NAALADL2: variants seen among roughly 807,000 people sequenced by gnomAD.
The protein encoded by NAALADL2 is inactive N-acetylated-alpha-linked acidic dipeptidase-like protein 2.
Under a neutral mutation model 87.2 loss-of-function variants are expected in NAALADL2, and 76 were observed. That is an observed-to-expected ratio of 0.87 (90% CI 0.72 to 1.05). NAALADL2 has a LOEUF of 1.05. Ranked by LOEUF, NAALADL2 falls within the 50% of genes least tolerant of loss-of-function variation. The pLI, the probability that NAALADL2 is intolerant of heterozygous loss-of-function variation, is 0.00. For synonymous variants in NAALADL2, 354 were observed against 331.0 expected (o/e 1.07, Z -0.75); for missense variants, 1,089 against 945.8 (o/e 1.15, Z -1.99).
rs1735529051 is a variant in NAALADL2 at position 175,681,069 on chromosome 3, T to C, written c.1896+53683T>C. Among the ~76,000 whole-genome samples the C allele has an allele frequency of 2.0e-5, 3 of 152,154 alleles. 1 individual carries two copies. The South Asian group carries it at 6.2e-4, about 32-fold the overall frequency. On this transcript the variant is annotated intron_variant, in intron 11 of 13. Transcript: ENST00000454872. ...TGGAGGTTGCCGTGAGCCGAGATCG[T>C]GCCACTGCACTTCAGCCTGGCGACA...
intron 2 of NAALADL2, among the ~76,000 whole-genome samples, chr3:175,182,866 G>A (rs1736798923): frequency 6.6e-6 from 1 of 151,716 alleles, no homozygotes; most frequent in African/African-American, 2.4e-5. Flanking sequence ...TTTTACAATT[G>A]CAAGGATCAT....
chr3:175,630,661 G>T (rs1013509303), intron 11 of NAALADL2, among the ~76,000 whole-genome samples: 1 of 151,672 alleles, frequency 6.6e-6, no homozygotes, highest in African/African-American at 2.4e-5. Flanking sequence ...TTTGTGAAGA[G>T]TTGAGGCCTT....
At chr3:174,727,821 G>A (rs1263145445) in intron 2 of NAALADL2, among the ~76,000 whole-genome samples, 1 of 152,086 alleles carries the variant, frequency 6.6e-6, no homozygotes, top group Non-Finnish European at 1.5e-5. Flanking sequence ...TCGACCATTA[G>A]AGTATCATAT....
chr3:174,916,966 A>G (rs1201677088), intron 1 of NAALADL2, among the ~76,000 whole-genome samples: 4 of 152,120 alleles, frequency 2.6e-5, no homozygotes, highest in Non-Finnish European at 4.4e-5. Context: ...GATTTCATAC[A>G]TTATGTTTTT....
At chr3:174,810,597 CAAA>C (rs71624292) in intron 3 of NAALADL2, among the ~76,000 whole-genome samples, 2 of 110,108 alleles carry the variant, frequency 1.8e-5, no homozygotes, top group Non-Finnish European at 3.9e-5. Context: ...TATATGTAAG[CAAA>C]AAAAAAAAAA....
rs377657792 is a variant in NAALADL2 at position 175,234,072 on chromosome 3, C to T, written c.687C>T (p.Ser229=). The change falls in exon 3 of 14, where the codon AGC becomes AGT. Residue 229 remains serine (S), a synonymous_variant. Transcript: ENST00000454872. ...TTGATCTGCCAGGCCCTTCTCCCAGCACTGTGACTCTGAGCAGCAGTGGTC... is the reference window on the plus strand; with the variant it reads ...TTGATCTGCCAGGCCCTTCTCCCAGTACTGTGACTCTGAGCAGCAGTGGTC... ...VLLDLPGPSP[S]TVTLSSSGQC... 18 of 1,613,808 alleles carry T rather than the reference C, an allele frequency of 1.1e-5. No homozygotes were observed. Among genetic ancestry groups the T allele is most frequent in the Admixed American group, 3.3e-5 (2 of 59,986 alleles).
chr3:174,478,063 A>G (rs1156977364), intron 1 of NAALADL2, among the ~76,000 whole-genome samples: 1 of 152,192 alleles, frequency 6.6e-6, no homozygotes, highest in Non-Finnish European at 1.5e-5. Flanking sequence ...TTAAGGTAAC[A>G]TATGGCTTAT....
At chr3:175,661,680 C>A (rs78605306) in intron 11 of NAALADL2, among the ~76,000 whole-genome samples, 6,255 of 151,976 alleles carry the variant, frequency 0.041, 437 homozygotes, top group African/African-American at 0.14. Context: ...TATATGGTGA[C>A]AGAGGAGTCT....
chr3:175,499,138 T>C (rs1729203269), intron 9 of NAALADL2, among the ~76,000 whole-genome samples: 1 of 152,118 alleles, frequency 6.6e-6, no homozygotes, highest in South Asian at 2.1e-4. Context: ...TGACTCATTA[T>C]TGGAAAACCC....
At chr3:175,638,682 A>G (rs572557699) in intron 11 of NAALADL2, among the ~76,000 whole-genome samples, 1 of 152,324 alleles carries the variant, frequency 6.6e-6, no homozygotes, top group East Asian at 1.9e-4. Context: ...TATTATGATT[A>G]AATTCCAAAT....
At chr3:174,735,856 T>A (rs1475896551) in intron 2 of NAALADL2, among the ~76,000 whole-genome samples, 1 of 152,224 alleles carries the variant, frequency 6.6e-6, no homozygotes, top group Non-Finnish European at 1.5e-5. Context: ...ACTGGGCTCG[T>A]TCTGCCCACT....
intron 3 of NAALADL2, among the ~76,000 whole-genome samples, chr3:174,772,243 G>A (rs1311681169): frequency 6.6e-6 from 1 of 152,062 alleles, no homozygotes; most frequent in East Asian, 1.9e-4. Flanking sequence ...CTACCTAAAT[G>A]ACTTAGAAAA....
chr3:175,781,345 A>G (rs79401770), intron 13 of NAALADL2, among the ~76,000 whole-genome samples: 1,550 of 152,294 alleles, frequency 0.01, 22 homozygotes, highest in African/African-American at 0.035. Flanking sequence ...TGGTCTCATA[A>G]GATTATAATG....
At chr3:175,727,440 G>T (rs1273453367) in intron 11 of NAALADL2, among the ~76,000 whole-genome samples, 1 of 152,130 alleles carries the variant, frequency 6.6e-6, no homozygotes, top group African/African-American at 2.4e-5. Flanking sequence ...AGTCACAGGA[G>T]CTCCTAAAAA....
At chr3:174,662,100 C>A (rs1291222287) in intron 2 of NAALADL2, among the ~76,000 whole-genome samples, 2 of 152,070 alleles carry the variant, frequency 1.3e-5, no homozygotes, top group Non-Finnish European at 1.5e-5. Context: ...AATAAAATAA[C>A]ATTACAAAGT....
chr3:175,216,663 C>CTTTTT (rs1560177808), intron 2 of NAALADL2, among the ~76,000 whole-genome samples: 4 of 43,356 alleles, frequency 9.2e-5, no homozygotes, highest in East Asian at 5.5e-4. Context: ...CTTTTTTTTT[C>CTTTTT]TTTTCTTTTT....
chr3:174,834,745 A>G (rs1285104696), intron 3 of NAALADL2, among the ~76,000 whole-genome samples: 3 of 151,926 alleles, frequency 2.0e-5, no homozygotes, highest in East Asian at 1.9e-4. Context: ...GAAAAAATAT[A>G]TGACTCATAG....
intron 5 of NAALADL2, among the ~76,000 whole-genome samples, chr3:175,428,209 A>C (rs1179744177): frequency 6.6e-6 from 1 of 152,096 alleles, no homozygotes; most frequent in African/African-American, 2.4e-5. Context: ...TGACTTCTGT[A>C]CCTTGACTTC....
chr3:174,720,795 T>G (rs991403299), intron 2 of NAALADL2, among the ~76,000 whole-genome samples: 1 of 152,250 alleles, frequency 6.6e-6, no homozygotes, highest in Admixed American at 6.5e-5. Flanking sequence ...CCAGTTTGGG[T>G]ATCCTTTGGT....
Sources: gnomAD v4.1 joint callset for allele counts (sites outside exome capture counted in the v4.1 genomes callset) on GRCh38, gnomAD v4.1.1 for gene constraint, MANE v1.5 for transcripts, NCBI Gene and HGNC (gene_info 2026-07-23, HGNC 2026-07-21) for gene names.